Variants in DENND3 observed in about 807,000 individuals in gnomAD.
DENND3 encodes DENN domain-containing protein 3.
DENND3 carries 88 observed loss-of-function variants against 135.1 expected under a neutral mutation model. That is an observed-to-expected ratio of 0.65 (90% CI 0.55 to 0.78). The LOEUF is 0.78. DENND3 is among the 30% of genes least tolerant of loss of function. DENND3 has a pLI of 0.00. For missense variants in DENND3, 1,392 were observed against 1,688.4 expected, an observed-to-expected ratio of 0.82 and a Z score of 3.08; for synonymous variants, 693 against 712.3, an observed-to-expected ratio of 0.97 and a Z score of 0.43.
rs561830173 is a variant in DENND3 at position 141,136,739 on chromosome 8, C to T, written c.333C>T (p.Val111=). ...CCAGAGCGCCAGAGCCTGAGGATGT[C>T]GCCGTCCCGGGCGGCGTGGACCTCC... ...GPPRAPEPED[V]AVPGGVDLLT... The change falls in exon 2 of 23, where the codon GTC becomes GTT. Residue 111 remains valine, a synonymous_variant. Coordinates refer to ENST00000519811, the MANE Select transcript of DENND3 (RefSeq NM_001352890.3). 50 of 1,604,266 alleles carry T rather than the reference C, an allele frequency of 3.1e-5. No homozygotes were observed. Among genetic ancestry groups the T allele is most frequent in the Middle Eastern group, 1.7e-4 (1 of 6,014 alleles).
At chr8:141,156,068 G>A in intron 8 of DENND3, 98 bp downstream of exon 8, 2 of 1,413,414 alleles carry the variant, frequency 1.4e-6, no homozygotes, top group Non-Finnish European at 1.9e-6. Flanking sequence ...ATAACTGATA[G>A]ATGTTTTATA....
At chr8:141,136,262 G>T (rs1434970181) in intron 1 of DENND3, among the ~76,000 whole-genome samples, 1 of 152,176 alleles carries the variant, frequency 6.6e-6, no homozygotes. Flanking sequence ...AAGGAGGTGA[G>T]GTCCTGCTGT....
intron 8 of DENND3, among the ~76,000 whole-genome samples, chr8:141,160,375 C>T (rs1310956371): frequency 6.6e-6 from 1 of 152,048 alleles, no homozygotes; most frequent in Non-Finnish European, 1.5e-5. Flanking sequence ...GAATGGGTTT[C>T]ACCATGTTGG....
At chr8:141,188,025 A>C (rs770692516) in intron 18 of DENND3, among the ~76,000 whole-genome samples, 1 of 105,774 alleles carries the variant, frequency 9.5e-6, no homozygotes, top group African/African-American at 3.7e-5. Flanking sequence ...TATCTCTACT[A>C]AAACTGCCAA....
chr8:141,150,184 C>T (rs1389616810), intron 5 of DENND3: 3 of 498,106 alleles, frequency 6.0e-6, no homozygotes, highest in Non-Finnish European at 9.4e-6. Context: ...TGCCAGCACC[C>T]GGGTGGCAGG....
Position 141,138,084 on chromosome 8 carries a change from G to A in DENND3, c.448G>A (p.Val150Ile), listed in dbSNP as rs1816993265. The change falls in exon 3 of 23, where the codon GTC (valine) becomes ATC (isoleucine). Residue 150 changes from valine (V) to isoleucine (I), a missense_variant. Transcript: ENST00000519811. This position sits in a 1 kb window ranked among gnomAD's most constrained non-coding sequence, Gnocchi z 4.8. ...CGTCCACTTCCTGGTGCTGACCGAT[G>A]TCTGCGGGAATAGGACCTATGGCGT... is the stretch of plus-strand genomic sequence containing the variant. The part of the protein sequence containing the change: ...DCVHFLVLTD[V>I]CGNRTYGVVA... 6.2e-7 allele frequency: 1 copy of A among 1,610,502 alleles called. No homozygotes were observed. The highest frequency in any genetic ancestry group is 2.2e-5 in the East Asian group (1 of 44,840).
intron 10 of DENND3, 123 bp from the exon 11 acceptor site, chr8:141,165,063 C>T: frequency 1.5e-6 from 1 of 671,904 alleles, no homozygotes; most frequent in Non-Finnish European, 2.6e-6. Flanking sequence ...TTCATTCACT[C>T]AGTCAATATC....
intron 8 of DENND3, chr8:141,157,813 G>A (rs1819629908): frequency 1.0e-6 from 1 of 973,874 alleles, no homozygotes; most frequent in Non-Finnish European, 1.2e-6. Flanking sequence ...AGGCTGGGGT[G>A]CAGTGGCGTG....
chr8:141,169,592 G>T (rs1296157481), intron 13 of DENND3, among the ~76,000 whole-genome samples: 1 of 152,186 alleles, frequency 6.6e-6, no homozygotes, highest in African/African-American at 2.4e-5. Flanking sequence ...GACCCAGCGG[G>T]GGCTCCGTGT....
intron 19 of DENND3, 122 bp downstream of exon 19, chr8:141,189,268 G>A: frequency 1.5e-6 from 2 of 1,330,090 alleles, no homozygotes; most frequent in Non-Finnish European, 2.1e-6. Context: ...GAGTGAAGTG[G>A]ATCTAGAACG....
In DENND3 at chr8:141,194,046, G is replaced by C. The variant is rs1461117699; in HGVS notation, c.3650G>C (p.Ser1217Thr). ...TCTCCCTGGCAGGTCTGGGTGGGCA[G>C]CCGAGGGCTGGGGCAGGGAACACCC... ...IRVKKQVWVG[S>T]RGLGQGTPKG... Residue 1217 changes from serine (S) to threonine (T), a missense_variant, in exon 23 of 23, where the codon AGC becomes ACC. Physicochemically the swap from Ser to Thr is moderately conservative, Grantham distance 58 (BLOSUM62 1). Transcript: ENST00000519811. The C allele has an allele frequency of 6.2e-7, 1 of 1,613,420 alleles. No individual in the cohort carries two copies. The highest frequency in any genetic ancestry group is 1.3e-5 in the African/African-American group (1 of 74,944).
chr8:141,175,130 T>C lies in DENND3; in HGVS notation c.2276-70T>C. 2.0e-6 allele frequency: 3 copies of C among 1,529,946 alleles called. No individual in the cohort carries two copies. The highest frequency in any genetic ancestry group is 2.0e-5 in the Admixed American group (1 of 48,946). The allele number at this position is 1,529,946 out of a possible 1,614,324, so 94.8% of individuals were successfully genotyped here. ...GGTAGTGTGCGGTTTCTTCAGGTCA[T>C]GGAGAAGCCCTTGGGGCTCCCGAGG... On this transcript the variant is annotated intron_variant, in intron 13 of 22. Transcript: ENST00000519811. The surrounding 1 kb of genome is among the most constrained non-coding windows in gnomAD (Gnocchi z 5.4).
rs756477924 is a variant in DENND3, at chr8:141,163,314, C to A, written c.1353-19C>A. 8.1e-6 allele frequency: 12 copies of A among 1,483,776 alleles called. No individual in the cohort carries two copies. The highest frequency in any genetic ancestry group is 1.1e-5 in the Non-Finnish European group (12 of 1,073,412). The allele number at this position is 1,483,776 out of a possible 1,614,324, so 91.9% of individuals were successfully genotyped here. On this transcript the variant is annotated intron_variant, in intron 9 of 22. Coordinates refer to ENST00000519811, the MANE Select transcript of DENND3 (RefSeq NM_001352890.3). ...ATTTAAGAAAGTTTTAGCACTCAGA[C>A]TCTCTTTCTCTTTGTTAGGGATGTA...
At chr8:141,189,642 G>A (rs1405688160) in intron 19 of DENND3, among the ~76,000 whole-genome samples, 1 of 152,230 alleles carries the variant, frequency 6.6e-6, no homozygotes, top group Non-Finnish European at 1.5e-5. Context: ...GCACAAGGCT[G>A]CCCACTTGGT....
In DENND3 at chr8:141,151,475, T is replaced by G. The variant is rs536708210; in HGVS notation, c.856-144T>G. ...GCTTGGGAGGCCAAGGTGGGAGGAT[T>G]GCTTAAGCCCAGGAGTTCGAGGCTG... On this transcript the variant is annotated intron_variant, in intron 6 of 22. Coordinates refer to ENST00000519811, the MANE Select transcript of DENND3 (RefSeq NM_001352890.3). 4 of 707,620 alleles carry G rather than the reference T, an allele frequency of 5.7e-6. No individual in the cohort carries two copies. The African/African-American group carries it at 7.2e-5, about 13-fold the overall frequency. 43.8% of individuals were successfully genotyped at this position (707,620 alleles called of 1,614,324 possible).
rs1432000985 is a variant in DENND3, at chr8:141,154,565, C to CTT, written c.1075-1273_1075-1272dup. Among the ~76,000 whole-genome samples, 2 of 142,296 alleles carry CTT rather than the reference C, an allele frequency of 1.4e-5. No homozygotes were observed. The highest frequency in any genetic ancestry group is 1.6e-5 in the Non-Finnish European group (1 of 64,506). The allele number at this position is 142,296 out of a possible 152,430, so 93.4% of individuals were successfully genotyped here. A position where few individuals can be genotyped will look rare whatever the true frequency, so the allele number is the denominator to read the frequency against. ...ACATGTATTGGAATCTTTTTTTTTT[C>CTT]TTTTTTTTTTTTGTGAGATGGAGTT... is the stretch of plus-strand genomic sequence containing the variant. On this transcript the variant is annotated intron_variant, in intron 7 of 22. Coordinates refer to ENST00000519811, the MANE Select transcript of DENND3 (RefSeq NM_001352890.3). The surrounding 1 kb of genome is among the most constrained non-coding windows in gnomAD (Gnocchi z 4.4).
intron 8 of DENND3, among the ~76,000 whole-genome samples, chr8:141,156,931 G>A (rs1358453835): frequency 1.3e-5 from 2 of 151,270 alleles, no homozygotes; most frequent in Non-Finnish European, 1.5e-5. Context: ...AGCTGGGATT[G>A]CACCTCCACG....
At chr8:141,183,695 G>A (rs1223495813) in intron 17 of DENND3, among the ~76,000 whole-genome samples, 2 of 150,646 alleles carry the variant, frequency 1.3e-5, no homozygotes, top group Admixed American at 6.6e-5. Flanking sequence ...CGGGTGAGAA[G>A]CCACTGAAGA....
intron 9 of DENND3, among the ~76,000 whole-genome samples, chr8:141,162,673 C>T (rs370279886): frequency 8.5e-5 from 13 of 152,232 alleles, no homozygotes; most frequent in South Asian, 2.1e-4. Context: ...CGGTGGCTCA[C>T]GCCTGTAATC....
Sources: gnomAD v4.1 joint callset for allele counts (sites outside exome capture counted in the v4.1 genomes callset) on GRCh38, gnomAD v4.1.1 for gene constraint, Gnocchi (gnomAD v3.1) non-coding constraint, MANE v1.5 for transcripts, NCBI Gene and HGNC (gene_info 2026-07-23, HGNC 2026-07-21) for gene names.